GOLGA7B: variants seen among roughly 807,000 people sequenced by gnomAD.
GOLGA7B encodes the protein golgin A7 family member B.
In GOLGA7B, 17 loss-of-function variants were observed where a neutral mutation model predicts 21.5. That is an observed-to-expected ratio of 0.79 (90% CI 0.54 to 1.19). The LOEUF (loss-of-function observed/expected upper bound fraction) is 1.19. Ranked by LOEUF, GOLGA7B falls within the 50% of genes most tolerant of loss-of-function variation. GOLGA7B has a pLI of 0.00. For missense variants in GOLGA7B, 169 were observed against 224.4 expected (o/e 0.75, Z 1.58); for synonymous variants, 87 against 84.0 (o/e 1.04, Z -0.19).
chr10:97,871,102 G>A lies in GOLGA7B; in HGVS notation c.*5402G>A, dbSNP rs1302511518. On this transcript the variant is annotated 3_prime_UTR_variant, in exon 5 of 5. Coordinates refer to ENST00000370602, the MANE Select transcript of GOLGA7B (RefSeq NM_001010917.3). ...CGGAGGTTTCCGCATGAGCCTTCTCGGGCGACTTCTAGGAGGATTTATTCC... is the reference window on the plus strand; with the variant it reads ...CGGAGGTTTCCGCATGAGCCTTCTCAGGCGACTTCTAGGAGGATTTATTCC... The A allele has an allele frequency of 1.3e-5, 2 of 152,154 alleles. No homozygotes were observed. The highest frequency in any genetic ancestry group is 6.5e-5 in the Admixed American group (1 of 15,274). 9.4% of individuals were successfully genotyped at this position (152,154 alleles called of 1,614,324 possible). A position where few individuals can be genotyped will look rare whatever the true frequency, so the allele number is the denominator to read the frequency against.
At chr10:97,858,316 C>T (rs1241192561) in intron 1 of GOLGA7B, among the ~76,000 whole-genome samples, 6 of 152,184 alleles carry the variant, frequency 3.9e-5, no homozygotes, top group Non-Finnish European at 8.8e-5. Flanking sequence ...CTCTTTTGCT[C>T]AGCACCCCCA....
At chr10:97,860,336 T>C (rs772485510) in intron 2 of GOLGA7B, among the ~76,000 whole-genome samples, 1 of 152,188 alleles carries the variant, frequency 6.6e-6, no homozygotes, top group Admixed American at 6.5e-5. Flanking sequence ...TTATTGACTA[T>C]AGTCACCCTG....
At chr10:97,854,724 G>A (rs1014876441) in intron 1 of GOLGA7B, among the ~76,000 whole-genome samples, 1 of 152,202 alleles carries the variant, frequency 6.6e-6, no homozygotes, top group Non-Finnish European at 1.5e-5. Flanking sequence ...AAGCCAAGAG[G>A]AAATGGGAAT....
rs753344371 is a variant in GOLGA7B at position 97,869,583 on chromosome 10, G to A, written c.*3883G>A. 4 of 152,402 alleles carry A rather than the reference G, an allele frequency of 2.6e-5. No homozygotes were observed. Among genetic ancestry groups the A allele is most frequent in the East Asian group, 1.9e-4 (1 of 5,194 alleles). The allele number at this position is 152,402 out of a possible 1,614,324, so 9.4% of individuals were successfully genotyped here. ...GGCTTCCTTCCTTTGGCCACAGGGC[G>A]GGTGTGTGTGAAACCACAGGGTTTA... On this transcript the variant is annotated 3_prime_UTR_variant, in exon 5 of 5. Coordinates refer to ENST00000370602, the MANE Select transcript of GOLGA7B (RefSeq NM_001010917.3).
intron 1 of GOLGA7B, among the ~76,000 whole-genome samples, chr10:97,850,998 G>A (rs1016615084): frequency 6.6e-6 from 1 of 151,934 alleles, no homozygotes; most frequent in African/African-American, 2.4e-5. Flanking sequence ...TTAGCTAAGG[G>A]CAGAATCTTG....
chr10:97,863,902 C>A, intron 2 of GOLGA7B, 28 bp from the exon 3 acceptor site: 1 of 1,593,468 alleles, frequency 6.3e-7, no homozygotes, highest in Non-Finnish European at 8.6e-7. Context: ...GGAGGCTAAC[C>A]GCAGCCTGGC....
chr10:97,850,333 A>G lies in GOLGA7B; in HGVS notation c.12+18A>G. On this transcript the variant is annotated intron_variant, in intron 1 of 4. Coordinates refer to ENST00000370602, the MANE Select transcript of GOLGA7B (RefSeq NM_001010917.3). Reference sequence around the variant, plus strand: ...CCACCGAGGTAGGGGCGAGCGCCCCACCCGCAGGCAGTGCCCGATTGCCGC... The same window carrying G: ...CCACCGAGGTAGGGGCGAGCGCCCCGCCCGCAGGCAGTGCCCGATTGCCGC... 6.6e-7 allele frequency: 1 copy of G among 1,511,104 alleles called. No individual in the cohort carries two copies. The highest frequency in any genetic ancestry group is 8.8e-7 in the Non-Finnish European group (1 of 1,130,112). 93.6% of individuals were successfully genotyped at this position (1,511,104 alleles called of 1,614,324 possible).
intron 1 of GOLGA7B, among the ~76,000 whole-genome samples, chr10:97,855,660 AG>A (rs1371186174): frequency 5.3e-5 from 8 of 152,340 alleles, no homozygotes; most frequent in Admixed American, 2.0e-4. Flanking sequence ...TTGGTTTTAG[AG>A]GGGCAGAGGA....
Position 97,869,414 on chromosome 10 carries a change from G to C in GOLGA7B, c.*3714G>C, listed in dbSNP as rs1564869938. ...CCCTGCACCCACCTTGCCAGCCAGG[G>C]ACAGGCCCCATCAAGACCCAGGAGC... On this transcript the variant is annotated 3_prime_UTR_variant, in exon 5 of 5. Transcript: ENST00000370602. The C allele has an allele frequency of 6.6e-6, 1 of 152,500 alleles. No homozygotes were observed. Among genetic ancestry groups the C allele is most frequent in the Non-Finnish European group, 1.5e-5 (1 of 68,276 alleles). The allele number at this position is 152,500 out of a possible 1,614,324, so 9.4% of individuals were successfully genotyped here. A position where few individuals can be genotyped will look rare whatever the true frequency, so the allele number is the denominator to read the frequency against.
At position 97,871,183 on chromosome 10, in the gene GOLGA7B, T is replaced by C. The variant is rs1041665427; in HGVS notation, c.*5483T>C. On this transcript the variant is annotated 3_prime_UTR_variant, in exon 5 of 5. Transcript: ENST00000370602. ...GCTCACAACTCTTCCTCCAAGAGGA[T>C]GTTCAAAGGGCCTGTCATTTCAGCA... 2.0e-5 allele frequency: 3 copies of C among 152,182 alleles called. No homozygotes were observed. The East Asian group carries it at 5.8e-4, about 29-fold the overall frequency. 9.4% of individuals were successfully genotyped at this position (152,182 alleles called of 1,614,324 possible). A position where few individuals can be genotyped will look rare whatever the true frequency, so the allele number is the denominator to read the frequency against.
chr10:97,854,564 C>T (rs929624585), intron 1 of GOLGA7B, among the ~76,000 whole-genome samples: 5 of 152,190 alleles, frequency 3.3e-5, no homozygotes, highest in African/African-American at 1.2e-4. Flanking sequence ...AGCAACTCCT[C>T]AGAGTTGCTC....
At chr10:97,865,027 G>A (rs1037474505) in intron 4 of GOLGA7B, 1 of 152,664 alleles carries the variant, frequency 6.6e-6, no homozygotes, top group African/African-American at 2.4e-5. Context: ...CCAGTGAGAG[G>A]CACTTGTTTT....
At chr10:97,854,310 A>G (rs1352091341) in intron 1 of GOLGA7B, among the ~76,000 whole-genome samples, 3 of 152,226 alleles carry the variant, frequency 2.0e-5, no homozygotes, top group African/African-American at 7.2e-5. Context: ...AGAGAAGGGA[A>G]GACTTTCCCA....
Position 97,867,873 on chromosome 10 carries a change from T to C in GOLGA7B, c.*2173T>C, listed in dbSNP as rs1330086999. Reference sequence around the variant, plus strand: ...GGGGAGCAGGATGAACTCTGTCTTCTTGGAGCTTGCAGTCTACTGAAGAGG... The same window carrying C: ...GGGGAGCAGGATGAACTCTGTCTTCCTGGAGCTTGCAGTCTACTGAAGAGG... On this transcript the variant is annotated 3_prime_UTR_variant, in exon 5 of 5. Transcript: ENST00000370602. 1.3e-5 allele frequency: 2 copies of C among 152,322 alleles called. No homozygotes were observed. Among genetic ancestry groups the C allele is most frequent in the Non-Finnish European group, 1.5e-5 (1 of 68,114 alleles). The allele number at this position is 152,322 out of a possible 1,614,324, so 9.4% of individuals were successfully genotyped here. A position where few individuals can be genotyped will look rare whatever the true frequency, so the allele number is the denominator to read the frequency against.
At chr10:97,862,978 G>A (rs2049980379) in intron 2 of GOLGA7B, among the ~76,000 whole-genome samples, 1 of 152,160 alleles carries the variant, frequency 6.6e-6, no homozygotes. Flanking sequence ...AGGAGGAGAC[G>A]GGCCCAGGGG....
At chr10:97,859,364 T>C (rs910418236) in intron 1 of GOLGA7B, 94 bp from the exon 2 acceptor site, 1 of 1,294,910 alleles carries the variant, frequency 7.7e-7, no homozygotes, top group Non-Finnish European at 1.1e-6. Flanking sequence ...CTGGTGTTAG[T>C]GCTGGAAGAC....
At position 97,869,880 on chromosome 10, in the gene GOLGA7B, G is replaced by A. The variant is rs2050072598; in HGVS notation, c.*4180G>A. The A allele has an allele frequency of 6.6e-6, 1 of 152,264 alleles. No homozygotes were observed. Among genetic ancestry groups the A allele is most frequent in the Non-Finnish European group, 1.5e-5 (1 of 68,084 alleles). 9.4% of individuals were successfully genotyped at this position (152,264 alleles called of 1,614,324 possible). A position where few individuals can be genotyped will look rare whatever the true frequency, so the allele number is the denominator to read the frequency against. The stretch of plus-strand genomic sequence containing the variant: ...CCTCTAGAAGGACTCACAATGAGGG[G>A]GGCCCAGACAGGAGGCATCACCACC... On this transcript the variant is annotated 3_prime_UTR_variant, in exon 5 of 5. Transcript: ENST00000370602.
intron 2 of GOLGA7B, among the ~76,000 whole-genome samples, chr10:97,861,862 TG>T (rs1216095778): frequency 6.6e-6 from 1 of 152,148 alleles, no homozygotes; most frequent in African/African-American, 2.4e-5. Flanking sequence ...ATGGACTAGA[TG>T]GGCAGGATTT....
At chr10:97,860,238 G>A (rs2049961977) in intron 2 of GOLGA7B, among the ~76,000 whole-genome samples, 1 of 151,958 alleles carries the variant, frequency 6.6e-6, no homozygotes, top group South Asian at 2.1e-4. Context: ...GGGTAAATGG[G>A]GCATCCATTA....
Sources: allele counts gnomAD v4.1 joint callset (sites outside exome capture counted in the v4.1 genomes callset), GRCh38; gene constraint gnomAD v4.1.1; transcripts MANE v1.5; gene names NCBI Gene and HGNC (gene_info 2026-07-23, HGNC 2026-07-21).